Variants in RAD18 observed in about 807,000 individuals in gnomAD.
RAD18 encodes the protein RAD18 E3 ubiquitin protein ligase.
In RAD18, 47 loss-of-function variants were observed where a neutral mutation model predicts 60.4. The ratio of observed to expected loss-of-function variants is 0.78; its 90% CI spans 0.62 to 0.99. The LOEUF (loss-of-function observed/expected upper bound fraction) is 0.99. Among genes scored for constraint, RAD18 ranks in the 50% least tolerant of loss-of-function variants. The probability of loss-of-function intolerance (pLI) is 0.00; values close to 1 mark genes in which losing one functional copy is unlikely to be tolerated. For synonymous variants in RAD18, 225 were observed against 195.5 expected, an observed-to-expected ratio of 1.15 and a Z score of -1.26; for missense variants, 640 against 593.3, an observed-to-expected ratio of 1.08 and a Z score of -0.82.
intron 2 of RAD18, among the ~76,000 whole-genome samples, chr3:8,951,572 T>C (rs898402889): frequency 1.2e-4 from 18 of 152,248 alleles, no homozygotes; most frequent in African/African-American, 4.3e-4. Context: ...AGAAGGAATA[T>C]GTGAAACTGT....
At chr3:8,960,885 T>C (rs1357232875) in intron 1 of RAD18, among the ~76,000 whole-genome samples, 3 of 152,240 alleles carry the variant, frequency 2.0e-5, no homozygotes, top group Non-Finnish European at 4.4e-5. Context: ...AATTTTTTTC[T>C]ACCGTGTACA....
In RAD18 at chr3:8,941,713, C is replaced by T. The variant is rs1288217981; in HGVS notation, c.358G>A (p.Val120Ile). The stretch of plus-strand genomic sequence containing the variant: ...TGCTTTAAAGACTGTCTGGAGGCTA[C>T]AGGAGTATATACTTTGACAGCAAGA... ...KNLAVKVYTPVASRQSLKQGS... is the reference protein window; with the variant it reads ...KNLAVKVYTPIASRQSLKQGS... Residue 120 changes from valine (V) to isoleucine (I), a missense_variant, in exon 5 of 13, where the codon GTA becomes ATA. By Grantham distance (29) the Val-to-Ile change is conservative (BLOSUM62 3). Coordinates refer to ENST00000264926, the MANE Select transcript of RAD18 (RefSeq NM_020165.4). 6.2e-7 allele frequency: 1 copy of T among 1,614,128 alleles called. No homozygotes were observed. Among genetic ancestry groups the T allele is most frequent in the Admixed American group, 1.7e-5 (1 of 60,022 alleles).
intron 7 of RAD18, among the ~76,000 whole-genome samples, chr3:8,929,507 G>T (rs1160522567): frequency 6.6e-6 from 1 of 152,090 alleles, no homozygotes; most frequent in African/African-American, 2.4e-5. Flanking sequence ...TAGATGAAAT[G>T]AACACATTCC....
At chr3:8,887,075 G>C (rs934050680) in intron 12 of RAD18, among the ~76,000 whole-genome samples, 5 of 152,224 alleles carry the variant, frequency 3.3e-5, no homozygotes, top group South Asian at 2.1e-4. Flanking sequence ...GCCTGCAGGA[G>C]TAAGCAGTGG....
Position 8,917,551 on chromosome 3 carries a change from C to T in RAD18, c.890-3831G>A, listed in dbSNP as rs573139310. Among the ~76,000 whole-genome samples the T allele has an allele frequency of 4.6e-5, 7 of 152,076 alleles. No individual in the cohort carries two copies. The South Asian group carries it at 1.2e-3, about 27-fold the overall frequency. ...GGAGTATGCTGTTAAAAGTTTCTTA[C>T]AAGTGAGGCTGTATAATTACTTGAC... On this transcript the variant is annotated intron_variant, in intron 7 of 12. Coordinates refer to ENST00000264926, the MANE Select transcript of RAD18 (RefSeq NM_020165.4).
chr3:8,920,474 A>ATT (rs1940298465), intron 7 of RAD18, among the ~76,000 whole-genome samples: 2 of 152,118 alleles, frequency 1.3e-5, no homozygotes, highest in African/African-American at 4.8e-5. Context: ...TAGGGGTGAA[A>ATT]TCTTAATGAG....
At chr3:8,960,553 C>T (rs1324217187) in intron 1 of RAD18, among the ~76,000 whole-genome samples, 2 of 152,154 alleles carry the variant, frequency 1.3e-5, no homozygotes, top group East Asian at 1.9e-4. Context: ...AAAAAACATG[C>T]TTTCAAAGAA....
At chr3:8,959,716 C>A (rs1037521259) in intron 1 of RAD18, among the ~76,000 whole-genome samples, 1 of 152,138 alleles carries the variant, frequency 6.6e-6, no homozygotes, top group Non-Finnish European at 1.5e-5. Flanking sequence ...AACCTAAAAT[C>A]TTTCAAATTG....
At chr3:8,915,507 G>C (rs909507422) in intron 7 of RAD18, among the ~76,000 whole-genome samples, 1 of 151,950 alleles carries the variant, frequency 6.6e-6, no homozygotes, top group Non-Finnish European at 1.5e-5. Context: ...AAAGACCAAG[G>C]GTGAGCTACC....
In RAD18 at chr3:8,879,900, A is replaced by G. The variant is rs936324167; in HGVS notation, c.*1457T>C. 1 of 152,256 alleles carries G rather than the reference A, an allele frequency of 6.6e-6. No homozygotes were observed. Among genetic ancestry groups the G allele is most frequent in the Admixed American group, 6.5e-5 (1 of 15,288 alleles). 9.4% of individuals were successfully genotyped at this position (152,256 alleles called of 1,614,324 possible). A position where few individuals can be genotyped will look rare whatever the true frequency, so the allele number is the denominator to read the frequency against. On this transcript the variant is annotated 3_prime_UTR_variant, in exon 13 of 13. Transcript: ENST00000264926. Reference sequence around the variant, plus strand: ...GTAATAATTACTTCCAGTTTAATTTATAGACTATATAATTTGTCATGAAAC... The same window carrying G: ...GTAATAATTACTTCCAGTTTAATTTGTAGACTATATAATTTGTCATGAAAC...
rs981364564 is a variant in RAD18 at position 8,879,716 on chromosome 3, G to A, written c.*1641C>T. ...AAAATCTTTCTGCCCACCCCACTGG[G>A]AACCATTGTTCTAGATGATCTTTGG... On this transcript the variant is annotated 3_prime_UTR_variant, in exon 13 of 13. Coordinates refer to ENST00000264926, the MANE Select transcript of RAD18 (RefSeq NM_020165.4). The A allele has an allele frequency of 1.3e-5, 2 of 152,252 alleles. No homozygotes were observed. The highest frequency in any genetic ancestry group is 2.9e-5 in the Non-Finnish European group (2 of 68,060). 9.4% of individuals were successfully genotyped at this position (152,252 alleles called of 1,614,324 possible).
chr3:8,913,643 C>T lies in RAD18; in HGVS notation c.966+1G>A. 1 of 1,538,430 alleles carries T rather than the reference C, an allele frequency of 6.5e-7. No homozygotes were observed. Among genetic ancestry groups the T allele is most frequent in the Non-Finnish European group, 8.8e-7 (1 of 1,136,814 alleles). Reference sequence around the variant, plus strand: ...TATACTGAAATAGCCCATTAACATACACTTTCATTGAGTTTACTAGCTTCA... The same window carrying T: ...TATACTGAAATAGCCCATTAACATATACTTTCATTGAGTTTACTAGCTTCA... On this transcript the variant is annotated splice_donor_variant, in intron 8 of 12. Transcript: ENST00000264926. LOFTEE classifies it high-confidence loss of function.
intron 10 of RAD18, 48 bp downstream of exon 10, chr3:8,902,332 T>A: frequency 7.0e-7 from 1 of 1,418,748 alleles, no homozygotes; most frequent in Non-Finnish European, 9.3e-7. Context: ...ATATTAAAAG[T>A]AAATAATGAA....
At position 8,889,972 on chromosome 3, in the gene RAD18, G is replaced by A. The variant is rs45602138; in HGVS notation, c.1385+417C>T. The A allele has an allele frequency of 7.1e-3, 1,162 of 163,686 alleles. 17 individuals carry two copies. Among genetic ancestry groups the A allele is most frequent in the African/African-American group, 0.026 (1,077 of 41,882 alleles). 10.1% of individuals were successfully genotyped at this position (163,686 alleles called of 1,614,324 possible). On this transcript the variant is annotated intron_variant, in intron 12 of 12. Transcript: ENST00000264926. ...ACCATTGTGTTACAAATGCCTAACT[G>A]TAAAATGCTGTACAGGTTTGTAGCC...
rs372250827 is a variant in RAD18 at position 8,963,433 on chromosome 3, G to A, written c.-48C>T. 1.4e-5 allele frequency: 21 copies of A among 1,500,586 alleles called. No individual in the cohort carries two copies. The highest frequency in any genetic ancestry group is 1.4e-5 in the Non-Finnish European group (15 of 1,100,868). 93.0% of individuals were successfully genotyped at this position (1,500,586 alleles called of 1,614,324 possible). A position where few individuals can be genotyped will look rare whatever the true frequency, so the allele number is the denominator to read the frequency against. ...GGTCAGCCACCCACTAGCCTCCGGC[G>A]CTCCAACACCACTCGAAATTCCCCG... On this transcript the variant is annotated 5_prime_UTR_variant, in exon 1 of 13. Transcript: ENST00000264926.
chr3:8,905,241 T>C (rs890698688), intron 9 of RAD18, among the ~76,000 whole-genome samples: 4 of 152,330 alleles, frequency 2.6e-5, no homozygotes, highest in African/African-American at 9.6e-5. Context: ...AATCAACTCA[T>C]TTTCTTCCAG....
intron 5 of RAD18, among the ~76,000 whole-genome samples, chr3:8,941,150 G>T (rs45485392): frequency 6.6e-6 from 1 of 152,306 alleles, no homozygotes; most frequent in East Asian, 1.9e-4. Flanking sequence ...AAGATAAAAA[G>T]AGCTTTTCAA....
At chr3:8,903,364 C>T (rs1177355168) in intron 9 of RAD18, among the ~76,000 whole-genome samples, 1 of 151,990 alleles carries the variant, frequency 6.6e-6, no homozygotes, top group African/African-American at 2.4e-5. Context: ...TTTGCTGAAT[C>T]TAAAATAGAA....
intron 2 of RAD18, among the ~76,000 whole-genome samples, chr3:8,953,367 A>G (rs957657401): frequency 6.6e-6 from 1 of 152,026 alleles, no homozygotes; most frequent in African/African-American, 2.4e-5. Context: ...ATAATCTTGT[A>G]TATCTTTCCT....
Sources: gnomAD v4.1 joint callset for allele counts (sites outside exome capture counted in the v4.1 genomes callset) on GRCh38, gnomAD v4.1.1 for gene constraint, MANE v1.5 for transcripts, NCBI Gene and HGNC (gene_info 2026-07-23, HGNC 2026-07-21) for gene names.